The following AP1S3 variants were observed in gnomAD, a reference collection of about 807,000 sequenced individuals.
AP1S3 encodes AP-1 complex subunit sigma-3.
In AP1S3, 10 loss-of-function variants were observed where a neutral mutation model predicts 20.9. The ratio of observed to expected loss-of-function variants is 0.48; its 90% CI spans 0.29 to 0.81. The LOEUF (loss-of-function observed/expected upper bound fraction) is 0.81, where lower values mean the gene tolerates loss of function less well. Ranked by LOEUF, AP1S3 falls within the 30% of genes least tolerant of loss-of-function variation. AP1S3 has a pLI of 0.08. For missense variants in AP1S3, 154 were observed against 183.8 expected (o/e 0.84, Z 0.94); for synonymous variants, 41 against 61.5 (o/e 0.67, Z 1.56).
chr2:223,780,357 A>AGAGTGTGTGT (rs1559280905), intron 1 of AP1S3, among the ~76,000 whole-genome samples: 9 of 44,446 alleles, frequency 2.0e-4, no homozygotes. Context: ...AGAGAGAGAG[A>AGAGTGTGTGT]GTGTGTGTGT....
At chr2:223,828,697 GCCCAGA>G (rs1393520054) in intron 1 of AP1S3, among the ~76,000 whole-genome samples, 2 of 151,634 alleles carry the variant, frequency 1.3e-5, no homozygotes, top group Admixed American at 6.6e-5. Flanking sequence ...ACTCTCTGAG[GCCCAGA>G]CCCATGGCTG....
chr2:223,755,927 G>A lies in AP1S3; in HGVS notation c.*2788C>T. 1 of 985,434 alleles carries A rather than the reference G, an allele frequency of 1.0e-6. No homozygotes were observed. Among genetic ancestry groups the A allele is most frequent in the Non-Finnish European group, 1.2e-6 (1 of 829,928 alleles). 61.0% of individuals were successfully genotyped at this position (985,434 alleles called of 1,614,324 possible). ...TATGGAATTATCCAGAACATGTGTA[G>A]TATATTTGAATGAGGTTCAAGAGAT... On this transcript the variant is annotated 3_prime_UTR_variant, in exon 5 of 5. Transcript: ENST00000396654.
At chr2:223,830,816 C>G (rs1692239959) in intron 1 of AP1S3, among the ~76,000 whole-genome samples, 3 of 152,178 alleles carry the variant, frequency 2.0e-5, no homozygotes, top group Admixed American at 2.0e-4. Flanking sequence ...CACTGAAAGA[C>G]TAAAGTTTCA....
At chr2:223,834,755 AAAAT>A (rs1208603068) in intron 1 of AP1S3, among the ~76,000 whole-genome samples, 1 of 152,156 alleles carries the variant, frequency 6.6e-6, no homozygotes, top group African/African-American at 2.4e-5. Context: ...CCCTGTCTCA[AAAAT>A]AAATAAATAA....
At chr2:223,769,555 G>T (rs978636948) in intron 3 of AP1S3, among the ~76,000 whole-genome samples, 4 of 151,952 alleles carry the variant, frequency 2.6e-5, no homozygotes, top group African/African-American at 9.7e-5. Context: ...TTAGAAATTT[G>T]AATGATTCTT....
intron 1 of AP1S3, among the ~76,000 whole-genome samples, chr2:223,831,123 T>C (rs1177348501): frequency 2.6e-5 from 4 of 151,920 alleles, no homozygotes; most frequent in Admixed American, 6.6e-5. Flanking sequence ...GGCATGAGCC[T>C]CCAACCCTGG....
At chr2:223,776,600 C>T (rs539237083) in intron 2 of AP1S3, among the ~76,000 whole-genome samples, 178 of 152,258 alleles carry the variant, frequency 1.2e-3, no homozygotes, top group African/African-American at 3.9e-3. Flanking sequence ...TAACTCCTTC[C>T]GGGAGTTGCA....
intron 1 of AP1S3, among the ~76,000 whole-genome samples, chr2:223,798,031 A>T (rs887826259): frequency 6.6e-6 from 1 of 152,228 alleles, no homozygotes; most frequent in Non-Finnish European, 1.5e-5. Flanking sequence ...TCAGCCGAAT[A>T]TTACTGTCAA....
intron 1 of AP1S3, among the ~76,000 whole-genome samples, chr2:223,822,681 T>C (rs192860840): frequency 6.6e-6 from 1 of 151,834 alleles, no homozygotes; most frequent in Admixed American, 6.6e-5. Flanking sequence ...CAAAACTCCA[T>C]CTCAAAAAAA....
At chr2:223,824,569 G>A (rs1398583152) in intron 1 of AP1S3, among the ~76,000 whole-genome samples, 2 of 151,872 alleles carry the variant, frequency 1.3e-5, no homozygotes, top group Non-Finnish European at 2.9e-5. Context: ...TGAGAATCTT[G>A]CTCTGTCGCC....
chr2:223,820,107 A>G (rs895442086), intron 1 of AP1S3, among the ~76,000 whole-genome samples: 2 of 152,198 alleles, frequency 1.3e-5, no homozygotes, highest in Admixed American at 1.3e-4. Context: ...AGGCACTTTG[A>G]TATCAATTTT....
intron 1 of AP1S3, among the ~76,000 whole-genome samples, chr2:223,785,281 G>A (rs1184047621): frequency 2.0e-5 from 3 of 152,142 alleles, no homozygotes; most frequent in Admixed American, 6.6e-5. Context: ...GGTGGAGGCT[G>A]CAGTGAGCCA....
intron 3 of AP1S3, among the ~76,000 whole-genome samples, chr2:223,775,014 T>TCAGAAATCACAGGACAAGAGTCAG (rs1690750323): frequency 1.3e-5 from 2 of 151,624 alleles, no homozygotes; most frequent in African/African-American, 4.8e-5. Context: ...AGGAGGCGCT[T>TCAGAAATCACAGGACAAGAGTCAG]CAGAAATCAA....
chr2:223,772,036 G>C (rs867302722), intron 3 of AP1S3, among the ~76,000 whole-genome samples: 1 of 152,158 alleles, frequency 6.6e-6, no homozygotes. Flanking sequence ...GAACCCGGGA[G>C]GCGGAAGGTG....
At chr2:223,765,773 C>T (rs1415969013) in intron 3 of AP1S3, among the ~76,000 whole-genome samples, 1 of 152,144 alleles carries the variant, frequency 6.6e-6, no homozygotes, top group African/African-American at 2.4e-5. Flanking sequence ...GGAAAATTAG[C>T]TCAACTGTGC....
intron 1 of AP1S3, among the ~76,000 whole-genome samples, chr2:223,796,014 A>T (rs574534229): frequency 4.5e-4 from 69 of 152,254 alleles, no homozygotes; most frequent in Non-Finnish European, 7.1e-4. Context: ...CTCTACTAAA[A>T]ATACAAAAAT....
rs1309672708 is a variant in AP1S3 at position 223,837,554 on chromosome 2, C to G, written c.-104G>C. ...CGGTGCGGCTGACAGGTGAGGCGCCCGGCTTAGACCATGGCTGCTTCCCAC... is the reference window on the plus strand; with the variant it reads ...CGGTGCGGCTGACAGGTGAGGCGCCGGGCTTAGACCATGGCTGCTTCCCAC... On this transcript the variant is annotated 5_prime_UTR_variant, in exon 1 of 5. Transcript: ENST00000396654. 5.8e-6 allele frequency: 4 copies of G among 690,288 alleles called. No homozygotes were observed. Among genetic ancestry groups the G allele is most frequent in the African/African-American group, 1.9e-5 (1 of 53,978 alleles). 42.8% of individuals were successfully genotyped at this position (690,288 alleles called of 1,614,324 possible). A position where few individuals can be genotyped will look rare whatever the true frequency, so the allele number is the denominator to read the frequency against.
Position 223,831,814 on chromosome 2 carries a change from T to C in AP1S3, c.3+5634A>G, listed in dbSNP as rs182464432. Reference sequence around the variant, plus strand: ...TCTGTTGGCCGGGCACGGTGGCTCATGCCTGTAATCCCAGCACTTTGGGAG... The same window carrying C: ...TCTGTTGGCCGGGCACGGTGGCTCACGCCTGTAATCCCAGCACTTTGGGAG... On this transcript the variant is annotated intron_variant, in intron 1 of 4. Transcript: ENST00000396654. Among the ~76,000 whole-genome samples the C allele has an allele frequency of 2.2e-3, 342 of 152,266 alleles. 2 individuals carry two copies. Among genetic ancestry groups the C allele is most frequent in the Non-Finnish European group, 3.6e-3 (242 of 68,014 alleles).
chr2:223,784,522 AC>A (rs1691030073), intron 1 of AP1S3, among the ~76,000 whole-genome samples: 1 of 152,072 alleles, frequency 6.6e-6, no homozygotes, highest in Non-Finnish European at 1.5e-5. Context: ...CTCCCACACT[AC>A]CAGGCTGTGC....
Sources: gnomAD v4.1 joint callset for allele counts (sites outside exome capture counted in the v4.1 genomes callset) on GRCh38, gnomAD v4.1.1 for gene constraint, MANE v1.5 for transcripts, NCBI Gene and HGNC (gene_info 2026-07-23, HGNC 2026-07-21) for gene names.